The following PPP6R3 variants were observed in gnomAD, a reference collection of about 807,000 sequenced individuals.
The protein encoded by PPP6R3 is serine/threonine-protein phosphatase 6 regulatory subunit 3.
In PPP6R3, 38 loss-of-function variants were observed where a neutral mutation model predicts 110.7. The observed-to-expected ratio is 0.34, with a 90% CI of 0.26 to 0.45. PPP6R3 has a LOEUF of 0.45. PPP6R3 is among the 20% of genes least tolerant of loss of function. The pLI is 1.00. For missense variants in PPP6R3, 870 were observed against 1,062.4 expected, an observed-to-expected ratio of 0.82 and a Z score of 2.52; for synonymous variants, 369 against 373.5, an observed-to-expected ratio of 0.99 and a Z score of 0.14.
rs1354353545 is a variant in PPP6R3 at position 68,574,074 on chromosome 11, A to G, written c.1344-35A>G. On this transcript the variant is annotated intron_variant, in intron 12 of 23. Transcript: ENST00000393800. ...GAGTGTTTCATCACTTCATCCTATC[A>G]GGAATCTGAGTATTTGTCCTTTACC... 5 of 1,456,534 alleles carry G rather than the reference A, an allele frequency of 3.4e-6. No homozygotes were observed. In the African/African-American group the frequency reaches 4.2e-5, roughly 12 times the overall value. The allele number at this position is 1,456,534 out of a possible 1,614,324, so 90.2% of individuals were successfully genotyped here. A position where few individuals can be genotyped will look rare whatever the true frequency, so the allele number is the denominator to read the frequency against.
intron 4 of PPP6R3, 78 bp downstream of exon 4, chr11:68,545,102 A>C (rs1194046714): frequency 1.7e-6 from 2 of 1,192,758 alleles, no homozygotes; most frequent in Non-Finnish European, 2.3e-6. Context: ...TGTTGCTTTA[A>C]GAGTTCTAAC....
intron 19 of PPP6R3, among the ~76,000 whole-genome samples, chr11:68,600,109 G>A (rs976945341): frequency 7.2e-5 from 11 of 151,922 alleles, no homozygotes; most frequent in African/African-American, 2.2e-4. Context: ...GCGACAGAGC[G>A]AGACTCCATC....
chr11:68,596,847 C>CT (rs1172562350), intron 19 of PPP6R3, among the ~76,000 whole-genome samples: 2 of 152,208 alleles, frequency 1.3e-5, no homozygotes. Flanking sequence ...TGGCCAGTCT[C>CT]TGATTGCCCT....
intron 1 of PPP6R3, among the ~76,000 whole-genome samples, chr11:68,484,666 C>T (rs1200742599): frequency 2.0e-5 from 3 of 151,966 alleles, no homozygotes; most frequent in Non-Finnish European, 2.9e-5. Flanking sequence ...TGGCTCACTG[C>T]AACCTCTGCC....
Position 68,574,155 on chromosome 11 carries a change from A to T in PPP6R3, c.1390A>T (p.Ile464Leu). ...RHGYMGHLTR[I>L]ANCIVHSTDK... ...TGGTTACATGGGACACCTAACGAGG[A>T]TAGCTAACTGTATCGTGCACAGCAC... is the stretch of plus-strand genomic sequence containing the variant. Residue 464 changes from isoleucine (I) to leucine (L), a missense_variant, in exon 13 of 24, where the codon ATA becomes TTA. Ile to Leu is a conservative substitution (Grantham distance 5). Coordinates refer to ENST00000393800, the MANE Select transcript of PPP6R3 (RefSeq NM_001164161.2). 6.2e-7 allele frequency: 1 copy of T among 1,614,128 alleles called. No homozygotes were observed. Among genetic ancestry groups the T allele is most frequent in the Non-Finnish European group, 8.5e-7 (1 of 1,179,954 alleles).
intron 14 of PPP6R3, among the ~76,000 whole-genome samples, chr11:68,581,837 A>G (rs2099555826): frequency 6.6e-6 from 1 of 152,202 alleles, no homozygotes; most frequent in African/African-American, 2.4e-5. Flanking sequence ...ACAGAATGGG[A>G]GTGCTTTATC....
chr11:68,574,580 T>G lies in PPP6R3; in HGVS notation c.1459+356T>G, dbSNP rs913185770. On this transcript the variant is annotated intron_variant, in intron 13 of 23. Transcript: ENST00000393800. ...GCAGTTGAGCCACTTCAGCTATAAT[T>G]TTGCCTTTTATTTTCTGAAGGCCTC... 6.6e-5 allele frequency among the ~76,000 whole-genome samples: 10 copies of G among 152,300 alleles called. No homozygotes were observed. In the East Asian group the frequency reaches 1.9e-3, roughly 29 times the overall value.
intron 3 of PPP6R3, among the ~76,000 whole-genome samples, chr11:68,542,791 A>G (rs143419928): frequency 5.8e-4 from 88 of 152,344 alleles, no homozygotes; most frequent in African/African-American, 2.0e-3. Flanking sequence ...GGCTAACATT[A>G]TGCATGCTTC....
chr11:68,478,647 G>GTTGTTTTTTTTTTTT (rs2098860140), intron 1 of PPP6R3, among the ~76,000 whole-genome samples: 1 of 50,506 alleles, frequency 2.0e-5, no homozygotes, highest in Non-Finnish European at 3.1e-5. Flanking sequence ...CACTTGGTAA[G>GTTGTTTTTTTTTTTT]TTTTTTTTTT....
intron 10 of PPP6R3, among the ~76,000 whole-genome samples, chr11:68,568,451 T>C (rs937221822): frequency 1.2e-4 from 18 of 152,342 alleles, no homozygotes; most frequent in Admixed American, 1.2e-3. Context: ...GACCCAACCA[T>C]TTCCTAAATA....
intron 1 of PPP6R3, among the ~76,000 whole-genome samples, chr11:68,477,594 C>T (rs1474737606): frequency 7.3e-5 from 11 of 150,918 alleles, no homozygotes; most frequent in Non-Finnish European, 1.5e-4. Context: ...GGTATGGCAG[C>T]GTGTGTCTGG....
intron 16 of PPP6R3, 112 bp from the exon 17 acceptor site, chr11:68,590,548 A>T: frequency 8.5e-7 from 1 of 1,170,686 alleles, no homozygotes; most frequent in South Asian, 2.1e-5. Context: ...TTTTATTTAT[A>T]GAGATTTTGA....
chr11:68,491,570 G>A (rs759003442), intron 1 of PPP6R3, among the ~76,000 whole-genome samples: 1 of 151,996 alleles, frequency 6.6e-6, no homozygotes, highest in Non-Finnish European at 1.5e-5. Flanking sequence ...GGCTGGTCCT[G>A]AACTTCTGGG....
At chr11:68,553,080 A>T (rs1187191845) in intron 6 of PPP6R3, among the ~76,000 whole-genome samples, 1 of 152,140 alleles carries the variant, frequency 6.6e-6, no homozygotes, top group African/African-American at 2.4e-5. Flanking sequence ...TGGATATCCT[A>T]ATCTGTGCTC....
chr11:68,541,420 T>TA (rs1330166962), intron 3 of PPP6R3, among the ~76,000 whole-genome samples: 2 of 152,168 alleles, frequency 1.3e-5, no homozygotes, highest in African/African-American at 4.8e-5. Flanking sequence ...TAGATGAAGT[T>TA]AGAACTGAAG....
chr11:68,555,678 G>A (rs1032713908), intron 7 of PPP6R3, among the ~76,000 whole-genome samples: 2 of 152,220 alleles, frequency 1.3e-5, no homozygotes, highest in African/African-American at 4.8e-5. Context: ...GTGCGCACTA[G>A]CTTTTATATT....
chr11:68,537,561 T>C lies in PPP6R3; in HGVS notation c.-6-98T>C, dbSNP rs551246854. 4.6e-5 allele frequency: 36 copies of C among 780,628 alleles called. No individual in the cohort carries two copies. The Admixed American group carries it at 1.1e-3, about 23-fold the overall frequency. 48.4% of individuals were successfully genotyped at this position (780,628 alleles called of 1,614,324 possible). A position where few individuals can be genotyped will look rare whatever the true frequency, so the allele number is the denominator to read the frequency against. ...GCTTATTTAACTTATGTGAGCCAAG[T>C]TGGCATTTTAGATTGTAAAACTGAA... On this transcript the variant is annotated intron_variant, in intron 2 of 23. Transcript: ENST00000393800.
intron 10 of PPP6R3, 86 bp downstream of exon 10, chr11:68,567,252 A>AT: frequency 7.5e-7 from 1 of 1,334,084 alleles, no homozygotes; most frequent in South Asian, 1.8e-5. Flanking sequence ...ACAAATTTAC[A>AT]TTATGTCAGT....
At chr11:68,475,506 G>A (rs1399401564) in intron 1 of PPP6R3, among the ~76,000 whole-genome samples, 2 of 148,960 alleles carry the variant, frequency 1.3e-5, no homozygotes, top group Non-Finnish European at 3.0e-5. Context: ...AGAGGTGCCC[G>A]CCACCTCCCG....
Sources: allele counts gnomAD v4.1 joint callset (sites outside exome capture counted in the v4.1 genomes callset), GRCh38; gene constraint gnomAD v4.1.1; transcripts MANE v1.5; gene names NCBI Gene and HGNC (gene_info 2026-07-23, HGNC 2026-07-21).